EVI5: variants seen among roughly 807,000 people sequenced by gnomAD.
EVI5 encodes ecotropic viral integration site 5 protein homolog.
EVI5 carries 73 observed loss-of-function variants against 112.0 expected under a neutral mutation model. The ratio of observed to expected loss-of-function variants is 0.65; its 90% CI spans 0.54 to 0.79. The LOEUF is 0.79. Ranked by LOEUF, EVI5 falls within the 30% of genes least tolerant of loss-of-function variation. The pLI, the probability that EVI5 is intolerant of heterozygous loss-of-function variation, is 0.00. For synonymous variants in EVI5, 305 were observed against 319.9 expected (o/e 0.95, Z 0.50); for missense variants, 900 against 968.8 (o/e 0.93, Z 0.94).
At chr1:92,633,236 T>C (rs1657609516) in intron 14 of EVI5, among the ~76,000 whole-genome samples, 1 of 152,206 alleles carries the variant, frequency 6.6e-6, no homozygotes, top group South Asian at 2.1e-4. Flanking sequence ...CTTGTTAACT[T>C]TCTGTCTCAC....
intron 9 of EVI5, among the ~76,000 whole-genome samples, chr1:92,678,404 T>C (rs976664789): frequency 6.6e-6 from 1 of 151,894 alleles, no homozygotes; most frequent in Non-Finnish European, 1.5e-5. Flanking sequence ...GGTGGGTGCA[T>C]GCCTGTAGTT....
At chr1:92,615,571 C>A (rs555746236) in intron 16 of EVI5, among the ~76,000 whole-genome samples, 2 of 152,034 alleles carry the variant, frequency 1.3e-5, no homozygotes, top group Non-Finnish European at 2.9e-5. Context: ...CCTTTTTTGT[C>A]AGAAGGAACA....
intron 18 of EVI5, among the ~76,000 whole-genome samples, chr1:92,575,611 A>G (rs932465976): frequency 2.5e-5 from 3 of 121,894 alleles, no homozygotes; most frequent in African/African-American, 9.7e-5. Flanking sequence ...ACCCTGTTGC[A>G]TAGTCTAGAG....
At chr1:92,782,563 A>G (rs1684999099) in intron 1 of EVI5, among the ~76,000 whole-genome samples, 1 of 152,184 alleles carries the variant, frequency 6.6e-6, no homozygotes. Flanking sequence ...CTGATATATT[A>G]CTGTACCTCT....
intron 13 of EVI5, among the ~76,000 whole-genome samples, chr1:92,652,732 A>G (rs1288402714): frequency 2.0e-5 from 3 of 152,220 alleles, no homozygotes; most frequent in Non-Finnish European, 4.4e-5. Context: ...ATGAATGACT[A>G]GAGGTGTCCA....
intron 18 of EVI5, among the ~76,000 whole-genome samples, chr1:92,597,965 G>C (rs1648282451): frequency 6.6e-6 from 1 of 152,112 alleles, no homozygotes; most frequent in Admixed American, 6.5e-5. Flanking sequence ...AGGCTGAGGT[G>C]GGGGGATTGC....
intron 19 of EVI5, among the ~76,000 whole-genome samples, chr1:92,525,457 T>C (rs1661719395): frequency 6.6e-6 from 1 of 151,898 alleles, no homozygotes; most frequent in Non-Finnish European, 1.5e-5. Flanking sequence ...TTAGTAAAGA[T>C]GGGGTTTTGC....
At chr1:92,535,835 C>A (rs1249987751) in intron 19 of EVI5, among the ~76,000 whole-genome samples, 3 of 151,992 alleles carry the variant, frequency 2.0e-5, no homozygotes, top group Non-Finnish European at 4.4e-5. Context: ...GTGCAGCAAA[C>A]CACCATGGCA....
chr1:92,550,671 T>C (rs12753280), intron 19 of EVI5, among the ~76,000 whole-genome samples: 116,024 of 136,358 alleles, frequency 0.85, 49,670 homozygotes, highest in East Asian at 0.97. Flanking sequence ...GGTGTGAACC[T>C]GGGAGGCAGA....
intron 19 of EVI5, among the ~76,000 whole-genome samples, chr1:92,546,912 C>A (rs149509697): frequency 1.3e-5 from 2 of 152,050 alleles, no homozygotes; most frequent in African/African-American, 4.8e-5. Flanking sequence ...GACTTTAACA[C>A]CCCACTGTCA....
At chr1:92,576,238 TCA>T (rs1257377493) in intron 18 of EVI5, among the ~76,000 whole-genome samples, 1 of 152,038 alleles carries the variant, frequency 6.6e-6, no homozygotes, top group African/African-American at 2.4e-5. Context: ...CATATGTATG[TCA>T]TGTGTACATA....
chr1:92,582,072 A>C (rs560650338), intron 18 of EVI5, among the ~76,000 whole-genome samples: 1 of 152,248 alleles, frequency 6.6e-6, no homozygotes, highest in Non-Finnish European at 1.5e-5. Context: ...ACACAAACTT[A>C]AATGGTAGTG....
intron 19 of EVI5, among the ~76,000 whole-genome samples, chr1:92,560,519 G>A (rs1024673069): frequency 1.3e-5 from 2 of 151,976 alleles, no homozygotes; most frequent in Admixed American, 6.6e-5. Flanking sequence ...ACTTGGACAC[G>A]TCTCTGTATG....
At chr1:92,646,639 T>C (rs936316483) in intron 13 of EVI5, among the ~76,000 whole-genome samples, 2 of 152,232 alleles carry the variant, frequency 1.3e-5, no homozygotes, top group Non-Finnish European at 1.5e-5. Context: ...TTATAAACTA[T>C]ATATATGTAC....
chr1:92,563,072 TTTAAA>T (rs1446046656), intron 19 of EVI5, among the ~76,000 whole-genome samples: 3 of 152,194 alleles, frequency 2.0e-5, no homozygotes, highest in African/African-American at 7.2e-5. Context: ...TACTAAATAC[TTTAAA>T]TTACTCAGTA....
chr1:92,713,702 A>C (rs1322179518), intron 2 of EVI5, among the ~76,000 whole-genome samples: 2 of 152,124 alleles, frequency 1.3e-5, no homozygotes, highest in East Asian at 1.9e-4. Context: ...ACTTGAACCC[A>C]GGAGGCAGAG....
chr1:92,705,878 G>A (rs1354121369), intron 2 of EVI5, among the ~76,000 whole-genome samples: 1 of 152,102 alleles, frequency 6.6e-6, no homozygotes, highest in Non-Finnish European at 1.5e-5. Context: ...CTATTTAACA[G>A]ATTATACAAC....
chr1:92,593,525 T>C (rs1267566160), intron 18 of EVI5, among the ~76,000 whole-genome samples: 2 of 152,174 alleles, frequency 1.3e-5, no homozygotes, highest in African/African-American at 4.8e-5. Context: ...AAGGATGCCC[T>C]CTCTCACCAC....
chr1:92,719,392 A>T (rs1244386686), intron 2 of EVI5, among the ~76,000 whole-genome samples: 1 of 152,064 alleles, frequency 6.6e-6, no homozygotes, highest in Non-Finnish European at 1.5e-5. Flanking sequence ...CTGGTTCAAC[A>T]TACACAAATC....
Sources: gnomAD v4.1 joint callset for allele counts (sites outside exome capture counted in the v4.1 genomes callset) on GRCh38, gnomAD v4.1.1 for gene constraint, MANE v1.5 for transcripts, NCBI Gene and HGNC (gene_info 2026-07-23, HGNC 2026-07-21) for gene names.